VAV3: variants seen among roughly 807,000 people sequenced by gnomAD.
VAV3 encodes the protein guanine nucleotide exchange factor VAV3.
Under a neutral mutation model 131.2 loss-of-function variants are expected in VAV3, and 94 were observed. The ratio of observed to expected loss-of-function variants is 0.72; its 90% CI spans 0.61 to 0.85. The LOEUF is 0.85. VAV3 is among the 40% of genes least tolerant of loss of function. The probability of loss-of-function intolerance (pLI) is 0.00; values close to 1 mark genes in which losing one functional copy is unlikely to be tolerated. For missense variants in VAV3, 939 were observed against 1,002.7 expected (o/e 0.94, Z 0.86); for synonymous variants, 349 against 342.0 (o/e 1.02, Z -0.22).
At chr1:107,893,173 T>G (rs979859521) in intron 1 of VAV3, among the ~76,000 whole-genome samples, 1 of 152,240 alleles carries the variant, frequency 6.6e-6, no homozygotes, top group African/African-American at 2.4e-5. Context: ...TCATTTTTAG[T>G]AGTATAACTT....
In VAV3 at chr1:107,694,338, TG is replaced by T. The variant is rs146290239; in HGVS notation, c.1706-5933del. 4.1e-4 allele frequency among the ~76,000 whole-genome samples: 63 copies of T among 152,284 alleles called. No homozygotes were observed. In the East Asian group the frequency reaches 8.9e-3, roughly 21 times the overall value. ...GGCAGAGGAAATAGTAAGAGCCAAG[TG>T]AGAACTCTAACAATTGGATCGACTG... On this transcript the variant is annotated intron_variant, in intron 17 of 26. Coordinates refer to ENST00000370056, the MANE Select transcript of VAV3 (RefSeq NM_006113.5).
intron 15 of VAV3, among the ~76,000 whole-genome samples, chr1:107,738,054 T>C (rs1236676656): frequency 6.6e-6 from 1 of 152,132 alleles, no homozygotes; most frequent in Admixed American, 6.5e-5. Flanking sequence ...ATGTCCTTTG[T>C]AGGGACATGG....
chr1:107,652,396 T>C (rs1428847153), intron 19 of VAV3, among the ~76,000 whole-genome samples: 1 of 152,154 alleles, frequency 6.6e-6, no homozygotes, highest in African/African-American at 2.4e-5. Flanking sequence ...GGCTGCGCTG[T>C]CTATGGAGTA....
At chr1:107,933,996 T>C (rs1411825675) in intron 1 of VAV3, among the ~76,000 whole-genome samples, 1 of 152,148 alleles carries the variant, frequency 6.6e-6, no homozygotes, top group African/African-American at 2.4e-5. Flanking sequence ...ATGAAAGCAC[T>C]ACCACTGGTC....
At chr1:107,602,112 A>G (rs901675963) in intron 24 of VAV3, among the ~76,000 whole-genome samples, 3 of 152,146 alleles carry the variant, frequency 2.0e-5, no homozygotes, top group African/African-American at 7.2e-5. Context: ...GGAAGAAAAA[A>G]AGAGGAAAGA....
chr1:107,670,791 T>G (rs968778620), intron 19 of VAV3, among the ~76,000 whole-genome samples: 2 of 152,176 alleles, frequency 1.3e-5, no homozygotes, highest in Non-Finnish European at 2.9e-5. Flanking sequence ...ATGAGTAAAG[T>G]GCCGACTCGA....
At chr1:107,909,298 T>C (rs1335231605) in intron 1 of VAV3, among the ~76,000 whole-genome samples, 1 of 152,136 alleles carries the variant, frequency 6.6e-6, no homozygotes, top group East Asian at 1.9e-4. Flanking sequence ...TATGAGTACC[T>C]CACAGCTCTT....
At chr1:107,875,742 G>A (rs1670464610) in intron 1 of VAV3, among the ~76,000 whole-genome samples, 1 of 152,202 alleles carries the variant, frequency 6.6e-6, no homozygotes, top group Non-Finnish European at 1.5e-5. Context: ...GGCCTGTTGT[G>A]CTGAATATAG....
chr1:107,670,597 T>C (rs570897941), intron 19 of VAV3, among the ~76,000 whole-genome samples: 4 of 152,304 alleles, frequency 2.6e-5, no homozygotes, highest in African/African-American at 9.6e-5. Context: ...GCAAGATCTG[T>C]ACTTGGCATT....
intron 1 of VAV3, among the ~76,000 whole-genome samples, chr1:107,934,383 G>C (rs542208177): frequency 6.6e-6 from 1 of 152,172 alleles, no homozygotes; most frequent in Admixed American, 6.5e-5. Context: ...CAGAGCAGAA[G>C]ATATATTTTG....
At chr1:107,672,022 C>G (rs371888885) in intron 19 of VAV3, 1 of 152,054 alleles carries the variant, frequency 6.6e-6, no homozygotes, top group Non-Finnish European at 1.5e-5. Flanking sequence ...AATCCCAGCA[C>G]GCCGCAAGGC....
intron 2 of VAV3, among the ~76,000 whole-genome samples, chr1:107,816,885 T>C (rs1415028437): frequency 6.6e-6 from 1 of 152,226 alleles, no homozygotes; most frequent in Non-Finnish European, 1.5e-5. Context: ...CATCATTTTA[T>C]ATATTAATAA....
intron 1 of VAV3, 120 bp from the exon 2 acceptor site, chr1:107,875,137 C>A: frequency 1.2e-6 from 1 of 860,660 alleles, no homozygotes; most frequent in South Asian, 1.6e-5. Flanking sequence ...TTTGAAGTTG[C>A]TTTTCAATTA....
chr1:107,658,422 T>A (rs1378948956), intron 19 of VAV3, among the ~76,000 whole-genome samples: 1 of 152,216 alleles, frequency 6.6e-6, no homozygotes. Context: ...TGTGCATGTG[T>A]CTTTATAGCA....
At chr1:107,671,507 A>C (rs1657791764) in intron 19 of VAV3, among the ~76,000 whole-genome samples, 1 of 152,248 alleles carries the variant, frequency 6.6e-6, no homozygotes, top group Non-Finnish European at 1.5e-5. Context: ...GCATACTTCA[A>C]ATAAAGTAGA....
intron 19 of VAV3, among the ~76,000 whole-genome samples, chr1:107,666,438 C>T (rs551440464): frequency 6.6e-6 from 1 of 152,214 alleles, no homozygotes; most frequent in African/African-American, 2.4e-5. Context: ...CTGTGATGGC[C>T]ATTAACTATG....
At chr1:107,671,902 C>G (rs1441264708) in intron 19 of VAV3, among the ~76,000 whole-genome samples, 3 of 152,106 alleles carry the variant, frequency 2.0e-5, no homozygotes, top group Non-Finnish European at 4.4e-5. Context: ...ACAATTTTAG[C>G]AAGCTATGTG....
rs775000036 is a variant in VAV3, at chr1:107,785,542, T to C, written c.322-6050A>G. 23 of 1,269,010 alleles carry C rather than the reference T, an allele frequency of 1.8e-5. 1 individual carries two copies. Among genetic ancestry groups the C allele is most frequent in the Middle Eastern group, 4.6e-4 (2 of 4,374 alleles). The allele number at this position is 1,269,010 out of a possible 1,614,324, so 78.6% of individuals were successfully genotyped here. On this transcript the variant is annotated intron_variant, in intron 2 of 26. Transcript: ENST00000370056. Reference sequence around the variant, plus strand: ...ACGAGCTTGGGGGTTCAAGAAGGGGTCCACGGCATCACACCCCTACAACAT... The same window carrying C: ...ACGAGCTTGGGGGTTCAAGAAGGGGCCCACGGCATCACACCCCTACAACAT...
intron 2 of VAV3, among the ~76,000 whole-genome samples, chr1:107,864,554 A>G (rs114063159): frequency 0.016 from 2,418 of 152,250 alleles, 47 homozygotes; most frequent in African/African-American, 0.045. Context: ...GTCAGAGAGA[A>G]GGAGGTTGCA....
Sources: gnomAD v4.1 joint callset for allele counts (sites outside exome capture counted in the v4.1 genomes callset) on GRCh38, gnomAD v4.1.1 for gene constraint, MANE v1.5 for transcripts, NCBI Gene and HGNC (gene_info 2026-07-23, HGNC 2026-07-21) for gene names.